The following SLC1A6 variants were observed in gnomAD, a reference collection of about 807,000 sequenced individuals.
SLC1A6 encodes the protein excitatory amino acid transporter 4.
In SLC1A6, 15 loss-of-function variants were observed where a neutral mutation model predicts 42.1. The observed-to-expected ratio is 0.36, with a 90% CI of 0.24 to 0.55. SLC1A6 has a LOEUF of 0.55. Among genes scored for constraint, SLC1A6 ranks in the 20% least tolerant of loss-of-function variants. The probability of loss-of-function intolerance (pLI) is 0.88; values close to 1 mark genes in which losing one functional copy is unlikely to be tolerated. For missense variants in SLC1A6, 542 were observed against 772.5 expected (o/e 0.70, Z 3.54); for synonymous variants, 317 against 319.7 (o/e 0.99, Z 0.09).
At chr19:14,951,749 C>A (rs1255852818) in intron 9 of SLC1A6, among the ~76,000 whole-genome samples, 1 of 152,090 alleles carries the variant, frequency 6.6e-6, no homozygotes, top group Non-Finnish European at 1.5e-5. Context: ...AACTCCTGAC[C>A]TCAGGTGATC....
intron 1 of SLC1A6, among the ~76,000 whole-genome samples, chr19:15,001,239 A>G (rs16980181): frequency 0.2 from 31,046 of 152,100 alleles, 3,654 homozygotes; most frequent in East Asian, 0.47. Flanking sequence ...CTGACATTCT[A>G]GAGAGGGAAG....
intron 1 of SLC1A6, among the ~76,000 whole-genome samples, chr19:15,009,679 A>T (rs924407485): frequency 6.6e-6 from 1 of 152,170 alleles, no homozygotes; most frequent in Non-Finnish European, 1.5e-5. Context: ...TTGGGTGATG[A>T]TTGCACTAAA....
At chr19:15,002,190 A>G (rs973584491) in intron 1 of SLC1A6, among the ~76,000 whole-genome samples, 10 of 152,146 alleles carry the variant, frequency 6.6e-5, no homozygotes, top group African/African-American at 2.4e-4. Context: ...CCTGGGCTCA[A>G]GCGATCCTCC....
At chr19:14,971,951 G>A in intron 2 of SLC1A6, 77 bp from the exon 3 acceptor site, 1 of 1,494,260 alleles carries the variant, frequency 6.7e-7, no homozygotes. Context: ...ATCCCAAGAA[G>A]GGTAGGGCAA....
At chr19:14,980,654 CAA>C (rs35361239), upstream of SLC1A6, among the ~76,000 whole-genome samples, 86 of 125,360 alleles carry the variant, frequency 6.9e-4, no homozygotes, top group Non-Finnish European at 5.4e-4. Flanking sequence ...GAGACTCCGT[CAA>C]AAAAAAAAAA....
chr19:14,968,932 C>T (rs964973310), intron 3 of SLC1A6, among the ~76,000 whole-genome samples: 8 of 152,102 alleles, frequency 5.3e-5, no homozygotes, highest in African/African-American at 1.7e-4. Flanking sequence ...CTCCATCTCC[C>T]CAGTTCAAAC....
chr19:14,954,456 C>T (rs2045442875), intron 7 of SLC1A6, 127 bp from the exon 8 acceptor site: 1 of 816,960 alleles, frequency 1.2e-6, no homozygotes, highest in Non-Finnish European at 2.0e-6. Context: ...GGGAACAGGG[C>T]GTGACCTAGT....
At chr19:14,951,000 C>A (rs1468994680) in intron 9 of SLC1A6, among the ~76,000 whole-genome samples, 2 of 144,030 alleles carry the variant, frequency 1.4e-5, no homozygotes, top group African/African-American at 5.2e-5. Context: ...AATCCCAGCA[C>A]AAGGCGGGCG....
intron 1 of SLC1A6, chr19:14,977,097 TG>T: frequency 6.6e-6 from 1 of 150,874 alleles, no homozygotes; most frequent in South Asian, 2.1e-4. Flanking sequence ...GGAATCCCTC[TG>T]GGATATTATG....
At chr19:15,000,826 C>T (rs2045868774) in intron 1 of SLC1A6, among the ~76,000 whole-genome samples, 1 of 152,228 alleles carries the variant, frequency 6.6e-6, no homozygotes, top group Non-Finnish European at 1.5e-5. Flanking sequence ...TACCACCTTA[C>T]CTTACTTACA....
intron 1 of SLC1A6, chr19:15,010,369 A>T: frequency 2.7e-6 from 1 of 366,006 alleles, no homozygotes; most frequent in Non-Finnish European, 5.5e-6. Context: ...GCAAGTCCCA[A>T]GCTTCCAAGT....
chr19:14,996,571 C>CTTCTTCTTCTTCTTCTTCT (rs1309559476), intron 1 of SLC1A6, among the ~76,000 whole-genome samples: 40 of 31,498 alleles, frequency 1.3e-3, no homozygotes, highest in South Asian at 2.9e-3. Flanking sequence ...GTTCTTCTTC[C>CTTCTTCTTCTTCTTCTTCT]TCTTCTTCTT....
rs60926365 is a variant in SLC1A6 at position 14,990,786 on chromosome 19, C to CAA, written c.7-17871_7-17870dup. On this transcript the variant is annotated intron_variant, in intron 1 of 8. Coordinates refer to the SLC1A6 transcript ENST00000430939. Reference sequence around the variant, plus strand: ...CTCTGTCTCAAAAAACAAAACAAAACAAAAAAAAAAAAAAACGAATAATTT... The same window carrying CAA: ...CTCTGTCTCAAAAAACAAAACAAAACAAAAAAAAAAAAAAAAACGAATAATTT... 1.6e-3 allele frequency among the ~76,000 whole-genome samples: 194 copies of CAA among 124,748 alleles called. 1 individual carries two copies. Among genetic ancestry groups the CAA allele is most frequent in the Middle Eastern group, 8.0e-3 (2 of 250 alleles). The allele number at this position is 124,748 out of a possible 152,430, so 81.8% of individuals were successfully genotyped here.
intron 1 of SLC1A6, among the ~76,000 whole-genome samples, chr19:14,999,210 C>T (rs1216434134): frequency 1.3e-5 from 2 of 152,158 alleles, no homozygotes; most frequent in African/African-American, 4.8e-5. Flanking sequence ...TCTCTGAAGC[C>T]TGCTACCTGG....
chr19:14,984,461 A>T, upstream of SLC1A6, among the ~76,000 whole-genome samples: 1 of 152,258 alleles, frequency 6.6e-6, no homozygotes, highest in East Asian at 1.9e-4. Flanking sequence ...ACATGAAAAA[A>T]ATTCAGTCTT....
At chr19:15,002,803 C>T (rs1305613954) in intron 1 of SLC1A6, among the ~76,000 whole-genome samples, 1 of 152,124 alleles carries the variant, frequency 6.6e-6, no homozygotes, top group East Asian at 1.9e-4. Context: ...TTCAAAGCTA[C>T]CAGGAGGTCA....
chr19:14,951,350 G>A (rs866633028), intron 9 of SLC1A6, among the ~76,000 whole-genome samples: 5 of 151,968 alleles, frequency 3.3e-5, no homozygotes, highest in South Asian at 2.1e-4. Context: ...CATAGAATCC[G>A]GAATGGTAAA....
intron 9 of SLC1A6, among the ~76,000 whole-genome samples, chr19:14,951,277 A>AAGAAAGAAAC (rs1210467454): frequency 6.7e-6 from 1 of 148,814 alleles, no homozygotes; most frequent in Non-Finnish European, 1.5e-5. Context: ...AAAAAAAAAA[A>AAGAAAGAAAC]AGAAAGAAAA....
At chr19:15,009,019 A>AT (rs1190762558) in intron 1 of SLC1A6, among the ~76,000 whole-genome samples, 52 of 150,826 alleles carry the variant, frequency 3.4e-4, no homozygotes, top group South Asian at 1.5e-3. Context: ...ATATATATAT[A>AT]AAATATACAT....
Sources: gnomAD v4.1 joint callset for allele counts (sites outside exome capture counted in the v4.1 genomes callset) on GRCh38, gnomAD v4.1.1 for gene constraint, MANE v1.5 for transcripts, NCBI Gene and HGNC (gene_info 2026-07-23, HGNC 2026-07-21) for gene names.